Variants in PTPRE observed in about 807,000 individuals in gnomAD.
PTPRE encodes protein tyrosine phosphatase receptor type E.
Under a neutral mutation model 102.0 loss-of-function variants are expected in PTPRE, and 51 were observed. The observed-to-expected ratio is 0.50, with a 90% CI of 0.40 to 0.63. The LOEUF (loss-of-function observed/expected upper bound fraction) is 0.63, where lower values mean the gene tolerates loss of function less well. Ranked by LOEUF, PTPRE falls within the 30% of genes least tolerant of loss-of-function variation. PTPRE has a pLI of 0.00. For missense variants in PTPRE, 752 were observed against 915.1 expected (o/e 0.82, Z 2.30); for synonymous variants, 345 against 348.2 (o/e 0.99, Z 0.10).
In PTPRE at chr10:127,944,342, T is replaced by C. The variant is rs1848458991; in HGVS notation, c.-31+37033T>C. Among the ~76,000 whole-genome samples the C allele has an allele frequency of 6.6e-6, 1 of 151,372 alleles. No individual in the cohort carries two copies. The highest frequency in any genetic ancestry group is 1.5e-5 in the Non-Finnish European group (1 of 67,984). ...ATTGATTGAATGGCTAAATGGTGGG[T>C]GGGTGGATGGATGGATGGACGATGG... is the stretch of plus-strand genomic sequence containing the variant. On this transcript the variant is annotated intron_variant, in intron 1 of 20. Transcript: ENST00000254667. This position sits in a 1 kb window ranked among gnomAD's most constrained non-coding sequence, Gnocchi z 4.2.
intron 1 of PTPRE, among the ~76,000 whole-genome samples, chr10:127,950,698 G>A (rs1164871357): frequency 6.6e-6 from 1 of 152,196 alleles, no homozygotes; most frequent in Non-Finnish European, 1.5e-5. Context: ...ACTGTCAAAG[G>A]CAAGGTGGAT....
At position 127,999,844 on chromosome 10, in the gene PTPRE, C is replaced by T. The variant is rs553297588; in HGVS notation, c.-8+17548C>T. On this transcript the variant is annotated intron_variant, in intron 2 of 20. Coordinates refer to ENST00000254667, the MANE Select transcript of PTPRE (RefSeq NM_006504.6). ...GAATACTCAGTAAATGATGTATTGC[C>T]TTTCGCATCAGTAGCCTGCTTGGAA... is the stretch of plus-strand genomic sequence containing the variant. 2.6e-5 allele frequency: 26 copies of T among 985,406 alleles called. No homozygotes were observed. The South Asian group carries it at 1.1e-3, about 43-fold the overall frequency. 61.0% of individuals were successfully genotyped at this position (985,406 alleles called of 1,614,324 possible). A position where few individuals can be genotyped will look rare whatever the true frequency, so the allele number is the denominator to read the frequency against.
chr10:127,946,391 A>G (rs7906042), intron 1 of PTPRE, among the ~76,000 whole-genome samples: 19,823 of 116,676 alleles, frequency 0.17, 3,721 homozygotes, highest in African/African-American at 0.33. Context: ...AAGGATATAT[A>G]TACAAGGATG....
At chr10:127,966,417 A>G (rs751373167) in intron 1 of PTPRE, among the ~76,000 whole-genome samples, 1 of 152,236 alleles carries the variant, frequency 6.6e-6, no homozygotes, top group Non-Finnish European at 1.5e-5. Flanking sequence ...AGAGGGAAAC[A>G]TTTTGGGGAA....
chr10:127,987,028 G>T (rs1852149225), intron 2 of PTPRE, among the ~76,000 whole-genome samples: 2 of 152,200 alleles, frequency 1.3e-5, no homozygotes, highest in Admixed American at 6.5e-5. Flanking sequence ...TGAATTAGAA[G>T]TTGACAGTAA....
rs149408595 is a variant in PTPRE at position 127,943,644 on chromosome 10, G to A, written c.-31+36335G>A. 7.1e-4 allele frequency among the ~76,000 whole-genome samples: 108 copies of A among 152,356 alleles called. 1 individual carries two copies. The East Asian group carries it at 0.015, about 21-fold the overall frequency. Reference sequence around the variant, plus strand: ...CTGGAATGCGCAGGAGGCTTCCAGGGCAGCTGAGGTGACTCTGATTTCATT... The same window carrying A: ...CTGGAATGCGCAGGAGGCTTCCAGGACAGCTGAGGTGACTCTGATTTCATT... On this transcript the variant is annotated intron_variant, in intron 1 of 20. Coordinates refer to ENST00000254667, the MANE Select transcript of PTPRE (RefSeq NM_006504.6).
rs543797522 is a variant in PTPRE, at chr10:127,979,413, G to A, written c.-30-2861G>A. Reference sequence around the variant, plus strand: ...TCACTTGGTAAAGGTTTACTTTAGAGAACATTATGATTGGTTTTTGCTCTA... The same window carrying A: ...TCACTTGGTAAAGGTTTACTTTAGAAAACATTATGATTGGTTTTTGCTCTA... On this transcript the variant is annotated intron_variant, in intron 1 of 20. Coordinates refer to ENST00000254667, the MANE Select transcript of PTPRE (RefSeq NM_006504.6). Among the ~76,000 whole-genome samples, 116 of 152,328 alleles carry A rather than the reference G, an allele frequency of 7.6e-4. 1 individual carries two copies. The highest frequency in any genetic ancestry group is 1.3e-3 in the Non-Finnish European group (91 of 68,040).
chr10:128,026,417 T>G lies in PTPRE; in HGVS notation c.-7-14458T>G, dbSNP rs143600687. ...CACCTGACCTCTCCCCAGTCTGTCT[T>G]CAGTGAAGGAAGATATAGAACAACG... On this transcript the variant is annotated intron_variant, in intron 2 of 20. Coordinates refer to ENST00000254667, the MANE Select transcript of PTPRE (RefSeq NM_006504.6). Among the ~76,000 whole-genome samples, 84 of 152,316 alleles carry G rather than the reference T, an allele frequency of 5.5e-4. 1 individual carries two copies. The East Asian group carries it at 0.014, about 26-fold the overall frequency.
At chr10:127,967,827 A>G (rs1002092421) in intron 1 of PTPRE, among the ~76,000 whole-genome samples, 1 of 152,012 alleles carries the variant, frequency 6.6e-6, no homozygotes, top group African/African-American at 2.4e-5. Context: ...AGGGGTAACC[A>G]TTGTCCCCAC....
intron 18 of PTPRE, among the ~76,000 whole-genome samples, chr10:128,077,070 G>C (rs1851268005): frequency 6.6e-6 from 1 of 152,158 alleles, no homozygotes; most frequent in Non-Finnish European, 1.5e-5. Flanking sequence ...CATTTCCACT[G>C]GGTCCTTGGT....
At chr10:128,067,909 C>A (rs1357668572) in intron 11 of PTPRE, among the ~76,000 whole-genome samples, 1 of 152,102 alleles carries the variant, frequency 6.6e-6, no homozygotes, top group Non-Finnish European at 1.5e-5. Flanking sequence ...ACGGTTGCTG[C>A]GGGCCCTGTT....
intron 2 of PTPRE, among the ~76,000 whole-genome samples, chr10:128,006,788 A>G (rs1854594509): frequency 6.6e-6 from 1 of 152,192 alleles, no homozygotes; most frequent in South Asian, 2.1e-4. Flanking sequence ...GTCAAGTCCC[A>G]CAAAAGACTC....
chr10:128,080,101 A>G (rs1055828260), intron 20 of PTPRE, among the ~76,000 whole-genome samples: 1 of 152,192 alleles, frequency 6.6e-6, no homozygotes, highest in Non-Finnish European at 1.5e-5. Context: ...ATACTCGTCC[A>G]TGTGGCTTGT....
chr10:128,049,548 T>C lies in PTPRE; in HGVS notation c.302T>C (p.Leu101Pro). ...LEEQEQQRVM[L>P]LSRSPSGPKK... is the part of the protein sequence containing the mutation. ...CCCACAGAGCAGCAAAGGGTGATGC[T>C]GCTCAGCAGGTCACCCTCAGGGCCC... is the stretch of plus-strand genomic sequence containing the variant. The change falls in exon 6 of 21, where the codon CTG becomes CCG. Residue 101 changes from leucine to proline, a missense_variant. Leu to Pro is a moderately conservative substitution (Grantham distance 98). Transcript: ENST00000254667. 1 of 1,613,978 alleles carries C rather than the reference T, an allele frequency of 6.2e-7. No homozygotes were observed. The highest frequency in any genetic ancestry group is 1.1e-5 in the South Asian group (1 of 91,068).
chr10:128,028,526 G>A lies in PTPRE; in HGVS notation c.-7-12349G>A, dbSNP rs567978722. Among the ~76,000 whole-genome samples the A allele has an allele frequency of 6.6e-6, 1 of 152,274 alleles. No individual in the cohort carries two copies. Among genetic ancestry groups the A allele is most frequent in the Non-Finnish European group, 1.5e-5 (1 of 68,014 alleles). On this transcript the variant is annotated intron_variant, in intron 2 of 20. Transcript: ENST00000254667. The surrounding 1 kb of genome is among the most constrained non-coding windows in gnomAD (Gnocchi z 4.5). ...ATGGTACACAGCACACCTGGCCCTG[G>A]CTCAGCCCCCCAATGTGGACAGGTT... is the stretch of plus-strand genomic sequence containing the variant.
chr10:128,078,613 C>G (rs1399437755), intron 19 of PTPRE, among the ~76,000 whole-genome samples: 1 of 152,204 alleles, frequency 6.6e-6, no homozygotes, highest in African/African-American at 2.4e-5. Flanking sequence ...CTGTCCCACC[C>G]CTTATAGCTG....
At chr10:127,954,426 A>T (rs553923790) in intron 1 of PTPRE, among the ~76,000 whole-genome samples, 1 of 152,204 alleles carries the variant, frequency 6.6e-6, no homozygotes, top group Non-Finnish European at 1.5e-5. Context: ...CACTCTGGAT[A>T]TGGATATGCT....
chr10:127,949,061 G>T (rs547721500), intron 1 of PTPRE, among the ~76,000 whole-genome samples: 2 of 152,330 alleles, frequency 1.3e-5, no homozygotes, highest in East Asian at 3.9e-4. Context: ...ACTTACACCA[G>T]TGCCCCACCC....
chr10:127,949,576 G>T (rs1179517063), intron 1 of PTPRE, among the ~76,000 whole-genome samples: 1 of 152,116 alleles, frequency 6.6e-6, no homozygotes, highest in East Asian at 1.9e-4. Context: ...TACCTGATAC[G>T]TTTGAACATT....
Sources: allele counts gnomAD v4.1 joint callset (sites outside exome capture counted in the v4.1 genomes callset), GRCh38; gene constraint gnomAD v4.1.1; non-coding constraint Gnocchi (gnomAD v3.1); transcripts MANE v1.5; gene names NCBI Gene and HGNC (gene_info 2026-07-23, HGNC 2026-07-21).